COL6A3: variants seen among roughly 807,000 people sequenced by gnomAD.
COL6A3 encodes the protein collagen type VI alpha 3 chain, also known as collagen alpha-3(VI) chain.
A neutral mutation model predicts 274.1 loss-of-function variants in COL6A3; 137 were observed. The observed-to-expected ratio is 0.50, with a 90% confidence interval of 0.44 to 0.58. The LOEUF (loss-of-function observed/expected upper bound fraction) is 0.58. Ranked by LOEUF, COL6A3 falls within the 20% of genes least tolerant of loss-of-function variation. COL6A3 has a pLI of 0.00. For synonymous variants in COL6A3, 1,650 were observed against 1,650.6 expected (o/e 1.00, Z 0.01); for missense variants, 3,950 against 4,124.9 (o/e 0.96, Z 1.16).
intron 8 of COL6A3, among the ~76,000 whole-genome samples, chr2:237,372,614 C>G (rs1157794552): frequency 2.0e-5 from 3 of 152,228 alleles, no homozygotes; most frequent in African/African-American, 7.2e-5. Context: ...TGCACTGCAT[C>G]AGGTGCTGCT....
chr2:237,346,521 A>T lies in COL6A3; in HGVS notation c.7074T>A (p.Pro2358=). ...PPGIVGQKGD[P]GYPGPAGPKG... is the part of the protein sequence containing the mutation. ...TACTTACAGCTGGTCCTGGGTAGCC[A>T]GGGTCTCCCTTCTGTCCAACTATCC... The change falls in exon 32 of 44, where the codon CCT becomes CCA. Residue 2358 remains proline (P), a synonymous_variant. Coordinates refer to ENST00000295550, the MANE Select transcript of COL6A3 (RefSeq NM_004369.4). 3.7e-6 allele frequency: 6 copies of T among 1,614,060 alleles called. No individual in the cohort carries two copies. The highest frequency in any genetic ancestry group is 5.1e-6 in the Non-Finnish European group (6 of 1,179,952).
intron 38 of COL6A3, among the ~76,000 whole-genome samples, chr2:237,340,052 A>C (rs190420536): frequency 1.8e-4 from 28 of 152,024 alleles, no homozygotes; most frequent in Admixed American, 3.3e-4. Context: ...GATCAAAGCA[A>C]CTCTTTCTAG....
chr2:237,402,262 G>A (rs887150693), intron 1 of COL6A3, among the ~76,000 whole-genome samples: 1 of 152,174 alleles, frequency 6.6e-6, no homozygotes, highest in Non-Finnish European at 1.5e-5. Flanking sequence ...CATAGGTATA[G>A]AGCTTCTGTT....
Position 237,358,555 on chromosome 2 carries a change from C to G in COL6A3, c.6437G>C (p.Gly2146Ala). 2 of 1,614,096 alleles carry G rather than the reference C, an allele frequency of 1.2e-6. No individual in the cohort carries two copies. Among genetic ancestry groups the G allele is most frequent in the Non-Finnish European group, 1.7e-6 (2 of 1,179,958 alleles). Reference protein sequence around the residue: ...RGDKGPRGEKGERGDVGIRGD... With the variant: ...RGDKGPRGEKAERGDVGIRGD... Reference sequence around the variant, plus strand: ...TCGAATCCCAACATCTCCTCTTTCTCCTTTCTCTCCTCGAGGTCCTTTATC... The same window carrying G: ...TCGAATCCCAACATCTCCTCTTTCTGCTTTCTCTCCTCGAGGTCCTTTATC... The change falls in exon 21 of 44, where the codon GGA (glycine) becomes GCA (alanine). Residue 2146 changes from glycine (G) to alanine (A), a missense_variant. By Grantham distance (60) the Gly-to-Ala change is moderately conservative (BLOSUM62 0). Around this residue, in one of 5 missense-constraint regions of COL6A3, gnomAD observed 1,284 missense variants for 1,349.7 expected, o/e 0.95. Coordinates refer to ENST00000295550, the MANE Select transcript of COL6A3 (RefSeq NM_004369.4).
intron 42 of COL6A3, chr2:237,330,061 A>G (rs1475322969): frequency 6.6e-6 from 1 of 152,258 alleles, no homozygotes; most frequent in Non-Finnish European, 1.5e-5. Context: ...ACAGGTGATT[A>G]AGCCAATAAT....
intron 39 of COL6A3, among the ~76,000 whole-genome samples, chr2:237,336,759 C>T (rs559695043): frequency 2.0e-5 from 3 of 152,176 alleles, no homozygotes; most frequent in Admixed American, 6.5e-5. Flanking sequence ...AAAAATGAAG[C>T]TTATATTGTT....
At chr2:237,402,761 C>T (rs1283408797) in intron 1 of COL6A3, among the ~76,000 whole-genome samples, 1 of 152,156 alleles carries the variant, frequency 6.6e-6, no homozygotes, top group African/African-American at 2.4e-5. Flanking sequence ...ATGGCTTCTG[C>T]CTTGACTAGT....
rs1047358181 is a variant in COL6A3, at chr2:237,407,076, AT to A, written c.-31+6876del. ...AGGTGTGCGCCACCACGCCTGGCTA[AT>A]TTTTTTTGAATTTTGGTAGAGACAA... On this transcript the variant is annotated intron_variant, in intron 1 of 43. Coordinates refer to ENST00000295550, the MANE Select transcript of COL6A3 (RefSeq NM_004369.4). The surrounding 1 kb of genome is among the most constrained non-coding windows in gnomAD (Gnocchi z 4.3). 2.0e-5 allele frequency among the ~76,000 whole-genome samples: 3 copies of A among 151,378 alleles called. No individual in the cohort carries two copies. Among genetic ancestry groups the A allele is most frequent in the African/African-American group, 2.4e-5 (1 of 41,172 alleles).
At chr2:237,387,480 G>C in intron 4 of COL6A3, 102 bp downstream of exon 4, 1 of 1,561,766 alleles carries the variant, frequency 6.4e-7, no homozygotes, top group Non-Finnish European at 8.8e-7. Context: ...GGTACTTACA[G>C]CTTCTCCCGT....
At chr2:237,397,382 AAAG>A (rs796230004) in intron 1 of COL6A3, among the ~76,000 whole-genome samples, 1 of 151,284 alleles carries the variant, frequency 6.6e-6, no homozygotes, top group African/African-American at 2.4e-5. Context: ...AGAAGAAGAG[AAAG>A]AAGCAGAAGA....
chr2:237,360,441 T>C (rs1574977206), intron 16 of COL6A3, among the ~76,000 whole-genome samples: 2 of 152,094 alleles, frequency 1.3e-5, no homozygotes, highest in East Asian at 3.9e-4. Flanking sequence ...CCCAGCACTG[T>C]GTCTCTGTGG....
chr2:237,362,833 A>T (rs552327500), intron 14 of COL6A3, among the ~76,000 whole-genome samples: 2 of 152,292 alleles, frequency 1.3e-5, no homozygotes, highest in South Asian at 2.1e-4. Context: ...CAATTAAAGC[A>T]CTTCTCCACC....
At chr2:237,393,598 C>A (rs2078346688) in intron 3 of COL6A3, among the ~76,000 whole-genome samples, 4 of 152,200 alleles carry the variant, frequency 2.6e-5, no homozygotes, top group African/African-American at 9.7e-5. Context: ...ACCCAGAATT[C>A]TCTGCTACCA....
intron 39 of COL6A3, among the ~76,000 whole-genome samples, chr2:237,337,919 A>C (rs1205951337): frequency 6.6e-6 from 1 of 151,950 alleles, no homozygotes; most frequent in Non-Finnish European, 1.5e-5. Context: ...ATGACTTCCT[A>C]TTATTACCAT....
chr2:237,344,077 G>A lies in COL6A3; in HGVS notation c.7668+273C>T, dbSNP rs1185764213. Reference sequence around the variant, plus strand: ...ACCACCTTGTTAGTAGATAGAGAGTGTCACCAACACTAGCATCACTAACCG... The same window carrying A: ...ACCACCTTGTTAGTAGATAGAGAGTATCACCAACACTAGCATCACTAACCG... On this transcript the variant is annotated intron_variant, in intron 36 of 43. Coordinates refer to ENST00000295550, the MANE Select transcript of COL6A3 (RefSeq NM_004369.4). The surrounding 1 kb of genome is among the most constrained non-coding windows in gnomAD (Gnocchi z 4.8). The A allele has an allele frequency of 7.5e-6, 4 of 536,104 alleles. No homozygotes were observed. Among genetic ancestry groups the A allele is most frequent in the Non-Finnish European group, 1.3e-5 (4 of 296,434 alleles). The allele number at this position is 536,104 out of a possible 1,614,324, so 33.2% of individuals were successfully genotyped here. A position where few individuals can be genotyped will look rare whatever the true frequency, so the allele number is the denominator to read the frequency against.
rs1379657453 is a variant in COL6A3, at chr2:237,383,101, GA to G, written c.1313-1603del. Among the ~76,000 whole-genome samples the G allele has an allele frequency of 3.3e-5, 5 of 152,258 alleles. No homozygotes were observed. In the East Asian group the frequency reaches 5.8e-4, roughly 18 times the overall value. On this transcript the variant is annotated intron_variant, in intron 4 of 43. Coordinates refer to ENST00000295550, the MANE Select transcript of COL6A3 (RefSeq NM_004369.4). Reference sequence around the variant, plus strand: ...AGGGTGAGCCACCACATCCAGCCTAGAACACATTTTTGAAATGCAGTTCATT... The same window carrying G: ...AGGGTGAGCCACCACATCCAGCCTAGACACATTTTTGAAATGCAGTTCATT...
intron 8 of COL6A3, among the ~76,000 whole-genome samples, chr2:237,373,288 G>A (rs980740762): frequency 1.3e-5 from 2 of 152,194 alleles, no homozygotes; most frequent in Non-Finnish European, 2.9e-5. Context: ...CAGCATCACA[G>A]AGGCCTCCTG....
At chr2:237,342,597 A>C (rs1574943795) in intron 36 of COL6A3, 2 of 181,328 alleles carry the variant, frequency 1.1e-5, no homozygotes, top group Admixed American at 5.5e-5. Flanking sequence ...TAACAAAATC[A>C]CTCCCAGTGG....
In COL6A3 at chr2:237,361,771, C is replaced by G. The variant is rs1345412448; in HGVS notation, c.6124G>C (p.Asp2042His). 6.2e-7 allele frequency: 1 copy of G among 1,614,240 alleles called. No individual in the cohort carries two copies. Among genetic ancestry groups the G allele is most frequent in the Admixed American group, 1.7e-5 (1 of 60,032 alleles). The change falls in exon 15 of 44, where the codon GAC (aspartate) becomes CAC (histidine). Residue 2042 changes from aspartate to histidine, a missense_variant. By Grantham distance (81) the Asp-to-His change is moderately conservative (BLOSUM62 -1). Coordinates refer to ENST00000295550, the MANE Select transcript of COL6A3 (RefSeq NM_004369.4). The surrounding 1 kb of genome is among the most constrained non-coding windows in gnomAD (Gnocchi z 5.1). ...CCGATGCTGCCGATGGGCCCGCGGT[C>G]TCCCCTCTGCCCAGAGCACTTGCAG... ...VPCKCSGQRG[D>H]RGPIGSIGPK...
Sources: allele counts gnomAD v4.1 joint callset (sites outside exome capture counted in the v4.1 genomes callset), GRCh38; gene constraint gnomAD v4.1.1; regional missense constraint gnomAD v4.1.1; non-coding constraint Gnocchi (gnomAD v3.1); transcripts MANE v1.5; gene names NCBI Gene and HGNC (gene_info 2026-07-23, HGNC 2026-07-21).